The following KRT7 variants were observed in gnomAD, a reference collection of about 807,000 sequenced individuals.
KRT7 encodes keratin, type II cytoskeletal 7.
Under a neutral mutation model 42.8 loss-of-function variants are expected in KRT7, and 50 were observed. The observed-to-expected ratio is 1.17, with a 90% CI of 0.93 to 1.48. The LOEUF (loss-of-function observed/expected upper bound fraction) is 1.48, where lower values mean the gene tolerates loss of function less well. Ranked by LOEUF, KRT7 falls within the 40% of genes most tolerant of loss-of-function variation. The pLI is 0.00. For synonymous variants in KRT7, 268 were observed against 266.3 expected (o/e 1.01, Z -0.06); for missense variants, 588 against 637.6 (o/e 0.92, Z 0.84).
rs754116982 is a variant in KRT7, at chr12:52,233,553, G to T, written c.257G>T (p.Arg86Leu). Residue 86 changes from arginine to leucine, a missense_variant, in exon 1 of 9, where the codon CGG becomes CTG. Transcript: ENST00000331817. ...LRLDADPSLQRVRQEESEQIK... is the reference protein window; with the variant it reads ...LRLDADPSLQLVRQEESEQIK... ...CTGGACGCCGACCCCTCCCTCCAGC[G>T]GGTGCGCCAGGAGGAGAGCGAGCAG... The T allele has an allele frequency of 8.1e-6, 13 of 1,613,014 alleles. No individual in the cohort carries two copies. The highest frequency in any genetic ancestry group is 4.4e-5 in the South Asian group (4 of 91,034).
At chr12:52,250,538 C>T, downstream of KRT7, 1 of 1,071,560 alleles carries the variant, frequency 9.3e-7, no homozygotes, top group Non-Finnish European at 1.4e-6. Flanking sequence ...TGCTCACCGC[C>T]ACGTTCCCGC....
At chr12:52,247,899 T>A in intron 7 of KRT7, 1 of 515,120 alleles carries the variant, frequency 1.9e-6, no homozygotes, top group South Asian at 2.2e-5. Context: ...CACAGGCCCA[T>A]GAATTTGGTC....
intron 1 of KRT7, 75 bp from the exon 2 acceptor site, chr12:52,235,080 G>C: frequency 7.1e-7 from 1 of 1,415,720 alleles, no homozygotes; most frequent in Non-Finnish European, 9.9e-7. Flanking sequence ...AGTGGCTAAA[G>C]ATGATGTTCC....
At chr12:52,248,024 C>T (rs760504532) in intron 7 of KRT7, 153 bp from the exon 8 acceptor site, 36 of 722,022 alleles carry the variant, frequency 5.0e-5, no homozygotes, top group African/African-American at 2.1e-4. Flanking sequence ...CATGCCTCCT[C>T]GCTCCTTTTA....
chr12:52,245,540 G>A lies in KRT7; in HGVS notation c.1113G>A (p.Gln371=). 6.2e-7 allele frequency: 1 copy of A among 1,614,174 alleles called. No individual in the cohort carries two copies. Among genetic ancestry groups the A allele is most frequent in the Non-Finnish European group, 8.5e-7 (1 of 1,180,026 alleles). ...LQRGKQDMAR[Q]LREYQELMSV... ...GGGGCAAGCAGGATATGGCACGGCA[G>A]CTGCGTGAGTACCAGGAACTCATGA... Residue 371 remains glutamine, a synonymous_variant, in exon 7 of 9, where the codon CAG becomes CAA. Coordinates refer to ENST00000331817, the MANE Select transcript of KRT7 (RefSeq NM_005556.4).
In KRT7 at chr12:52,248,823, T is replaced by C. The variant is rs1942221529; in HGVS notation, c.*63T>C. ...ACAATCACAAGAAGATTCCCACCCC[T>C]GCCTCCCATGCCTGGTCCCAAGACA... On this transcript the variant is annotated 3_prime_UTR_variant, in exon 9 of 9. Transcript: ENST00000331817. 4 of 1,418,462 alleles carry C rather than the reference T, an allele frequency of 2.8e-6. No individual in the cohort carries two copies. Among genetic ancestry groups the C allele is most frequent in the Non-Finnish European group, 3.7e-6 (4 of 1,069,670 alleles). 87.9% of individuals were successfully genotyped at this position (1,418,462 alleles called of 1,614,324 possible).
In KRT7 at chr12:52,248,670, C is replaced by T; in HGVS notation, c.1320C>T (p.Ala440=). Residue 440 remains alanine (A), a synonymous_variant, in exon 9 of 9, where the codon GCC becomes GCT. Transcript: ENST00000331817. ...TCGGGGGAACCATGGGCAGCAATGC[C>T]CTGAGCTTCTCCAGCAGTGCGGGTC... ...LTLGGTMGSN[A]LSFSSSAGPG... 6.2e-7 allele frequency: 1 copy of T among 1,613,350 alleles called. No homozygotes were observed. Among genetic ancestry groups the T allele is most frequent in the Non-Finnish European group, 8.5e-7 (1 of 1,179,598 alleles).
At chr12:52,236,175 G>A (rs1942009173) in intron 2 of KRT7, among the ~76,000 whole-genome samples, 1 of 146,516 alleles carries the variant, frequency 6.8e-6, no homozygotes, top group African/African-American at 2.6e-5. Context: ...CTGGAGGAGA[G>A]CAAACAAGGT....
Position 52,237,626 on chromosome 12 carries a change from A to C in KRT7, c.597+57A>C, listed in dbSNP as rs1942029919. 7.6e-6 allele frequency: 11 copies of C among 1,451,086 alleles called. No individual in the cohort carries two copies. The Admixed American group carries it at 1.6e-4, about 21-fold the overall frequency. The allele number at this position is 1,451,086 out of a possible 1,614,324, so 89.9% of individuals were successfully genotyped here. On this transcript the variant is annotated intron_variant, in intron 3 of 8. Coordinates refer to ENST00000331817, the MANE Select transcript of KRT7 (RefSeq NM_005556.4). ...GTCTGAAAACATGGGACAAAGGACC[A>C]CAGGATCCTCTCACCTGAGCAGCCC...
At chr12:52,245,316 C>A in intron 6 of KRT7, 96 bp from the exon 7 acceptor site, 2 of 1,232,444 alleles carry the variant, frequency 1.6e-6, no homozygotes, top group Non-Finnish European at 2.3e-6. Context: ...GCCAATGAAG[C>A]CACCTTAAGC....
rs766694510 is a variant in KRT7 at position 52,248,637 on chromosome 12, G to C, written c.1287G>C (p.Gly429=). Reference sequence around the variant, plus strand: ...GCAGTAGCAGTGGCGGTGGCATTGGGCTGACCCTCGGGGGAACCATGGGCA... The same window carrying C: ...GCAGTAGCAGTGGCGGTGGCATTGGCCTGACCCTCGGGGGAACCATGGGCA... The part of the protein sequence containing the change: ...TGGSSSGGGI[G]LTLGGTMGSN... The change falls in exon 9 of 9, where the codon GGG becomes GGC. Residue 429 remains glycine, a synonymous_variant. Transcript: ENST00000331817. 5 of 1,609,410 alleles carry C rather than the reference G, an allele frequency of 3.1e-6. No individual in the cohort carries two copies. In the African/African-American group the frequency reaches 6.7e-5, roughly 22 times the overall value.
chr12:52,237,721 C>CGTGTATGT, intron 3 of KRT7, 152 bp downstream of exon 3: 1 of 322,976 alleles, frequency 3.1e-6, no homozygotes, highest in Non-Finnish European at 5.7e-6. Context: ...CCTGTGGGTG[C>CGTGTATGT]GTGTATGTGT....
intron 2 of KRT7, among the ~76,000 whole-genome samples, chr12:52,236,200 C>CA (rs386376543): frequency 7.3e-5 from 11 of 150,148 alleles, no homozygotes; most frequent in Non-Finnish European, 1.2e-4. Context: ...GTGGAGTGCC[C>CA]CCCCCCAACA....
rs1942096192 is a variant in KRT7, at chr12:52,241,778, C to T, written c.858+142C>T. On this transcript the variant is annotated intron_variant, in intron 5 of 8. Transcript: ENST00000331817. ...AGTGGTTTAAGTCTGTGGTGCTCAG[C>T]CCTGGAGAAAATCCCAAGATGGGAG... 6 of 633,552 alleles carry T rather than the reference C, an allele frequency of 9.5e-6. No individual in the cohort carries two copies. In the Admixed American group the frequency reaches 1.3e-4, roughly 13 times the overall value. 39.2% of individuals were successfully genotyped at this position (633,552 alleles called of 1,614,324 possible).
In KRT7 at chr12:52,243,066, C is replaced by G. The variant is rs780160167; in HGVS notation, c.913C>G (p.Arg305Gly). 3 of 1,613,882 alleles carry G rather than the reference C, an allele frequency of 1.9e-6. No homozygotes were observed. The Admixed American group carries it at 5.0e-5, about 27-fold the overall frequency. Residue 305 changes from arginine to glycine, a missense_variant, in exon 6 of 9, where the codon CGG (arginine) becomes GGG (glycine). By Grantham distance (125) the Arg-to-Gly change is moderately radical. Coordinates refer to ENST00000331817, the MANE Select transcript of KRT7 (RefSeq NM_005556.4). ...GKHGDDLRNT[R>G]NEISEMNRAI... ...GCATGGGGACGACCTCCGGAATACCCGGAATGAGATTTCAGAGATGAACCG... is the reference window on the plus strand; with the variant it reads ...GCATGGGGACGACCTCCGGAATACCGGGAATGAGATTTCAGAGATGAACCG...
At chr12:52,236,484 G>A (rs1014401660) in intron 2 of KRT7, among the ~76,000 whole-genome samples, 2 of 152,162 alleles carry the variant, frequency 1.3e-5, no homozygotes, top group Non-Finnish European at 1.5e-5. Flanking sequence ...GAGGGTCCCT[G>A]TGTGCAGCTG....
At chr12:52,239,116 G>C (rs771149922) in intron 4 of KRT7, among the ~76,000 whole-genome samples, 13 of 152,190 alleles carry the variant, frequency 8.5e-5, no homozygotes, top group African/African-American at 2.9e-4. Flanking sequence ...TGTTGGGTTG[G>C]GGCTTTAGGT....
downstream of KRT7, chr12:52,248,930 G>C: frequency 1.8e-6 from 1 of 567,842 alleles, no homozygotes; most frequent in Non-Finnish European, 2.8e-6. Context: ...CACGTGCCTG[G>C]TATCCTGGCT....
In KRT7 at chr12:52,235,393, G is replaced by A. The variant is rs74093360; in HGVS notation, c.536+27G>A. On this transcript the variant is annotated intron_variant, in intron 2 of 8. Transcript: ENST00000331817. The stretch of plus-strand genomic sequence containing the variant: ...TAATGCCCCCTGTGCCACATGCGAA[G>A]ACCCCTGCCCCGGGCCAATGTGACC... The A allele has an allele frequency of 5.3e-3, 8,311 of 1,577,258 alleles. 389 individuals carry two copies. The African/African-American group carries it at 0.1, about 19-fold the overall frequency.
Sources: gnomAD v4.1 joint callset for allele counts (sites outside exome capture counted in the v4.1 genomes callset) on GRCh38, gnomAD v4.1.1 for gene constraint, MANE v1.5 for transcripts, NCBI Gene and HGNC (gene_info 2026-07-23, HGNC 2026-07-21) for gene names.